RIMS2: variants seen among roughly 807,000 people sequenced by gnomAD.
The protein encoded by RIMS2 is regulating synaptic membrane exocytosis protein 2.
In RIMS2, 59 loss-of-function variants were observed where a neutral mutation model predicts 174.4. The ratio of observed to expected loss-of-function variants is 0.34; its 90% CI spans 0.27 to 0.42. RIMS2 has a LOEUF of 0.42. Ranked by LOEUF, RIMS2 falls within the 10% of genes least tolerant of loss-of-function variation. RIMS2 has a pLI of 1.00. For synonymous variants in RIMS2, 606 were observed against 572.5 expected (o/e 1.06, Z -0.84); for missense variants, 1,620 against 1,666.3 (o/e 0.97, Z 0.48).
At chr8:103,756,415 G>A (rs574171008) in intron 2 of RIMS2, among the ~76,000 whole-genome samples, 6 of 140,002 alleles carry the variant, frequency 4.3e-5, no homozygotes, top group Admixed American at 3.6e-4. Flanking sequence ...CAGGACTCTT[G>A]TATATTATTT....
chr8:103,636,788 ACC>A lies in RIMS2; in HGVS notation c.177-60286_177-60285del, dbSNP rs768545308. The stretch of plus-strand genomic sequence containing the variant: ...CTTTTTTTCTATAACCCACCCCCGC[ACC>A]CCCCCCCCCCCACACACACACACAT... On this transcript the variant is annotated intron_variant, in intron 1 of 23. Transcript: ENST00000504942. Among the ~76,000 whole-genome samples the A allele has an allele frequency of 9.3e-3, 403 of 43,564 alleles. 5 individuals are homozygous for A. The highest frequency in any genetic ancestry group is 0.05 in the South Asian group (66 of 1,326). The allele number at this position is 43,564 out of a possible 152,430, so 28.6% of individuals were successfully genotyped here.
At chr8:104,024,206 C>T (rs773397937) in intron 19 of RIMS2, among the ~76,000 whole-genome samples, 20 of 152,174 alleles carry the variant, frequency 1.3e-4, no homozygotes, top group Non-Finnish European at 2.4e-4. Context: ...TTCTTCTGAT[C>T]CAGGTCTGCC....
chr8:103,936,959 A>G (rs2081396267), intron 13 of RIMS2, among the ~76,000 whole-genome samples: 1 of 151,964 alleles, frequency 6.6e-6, no homozygotes, highest in Non-Finnish European at 1.5e-5. Flanking sequence ...TTAGCCGGGC[A>G]TGGTGGTGGG....
intron 1 of RIMS2, among the ~76,000 whole-genome samples, chr8:103,555,315 A>G (rs555581303): frequency 6.6e-6 from 1 of 152,182 alleles, no homozygotes; most frequent in Non-Finnish European, 1.5e-5. Context: ...ACCCACAAAG[A>G]TATATTACCT....
In RIMS2 at chr8:103,538,068, T is replaced by C. The variant is rs536596814; in HGVS notation, c.176+37006T>C. On this transcript the variant is annotated intron_variant, in intron 1 of 23. Coordinates refer to ENST00000504942, the Ensembl canonical transcript of RIMS2. ...AAACATTAGAAAGAATTTCCTGATA[T>C]GATCCTAGAATTGATATAAAATCTC... 3.9e-5 allele frequency among the ~76,000 whole-genome samples: 6 copies of C among 152,314 alleles called. No homozygotes were observed. In the East Asian group the frequency reaches 7.7e-4, roughly 20 times the overall value.
chr8:103,923,759 A>G (rs952321898), intron 10 of RIMS2, among the ~76,000 whole-genome samples: 8 of 151,832 alleles, frequency 5.3e-5, no homozygotes, highest in Non-Finnish European at 1.0e-4. Context: ...ATATATAAAA[A>G]ATATTGGTTA....
chr8:104,090,255 A>G (rs931094304), intron 19 of RIMS2, among the ~76,000 whole-genome samples: 1 of 151,762 alleles, frequency 6.6e-6, no homozygotes, highest in African/African-American at 2.4e-5. Flanking sequence ...CATATCTAAA[A>G]TTTTAGCTCA....
intron 19 of RIMS2, among the ~76,000 whole-genome samples, chr8:104,059,866 T>C (rs1297138228): frequency 1.3e-5 from 2 of 152,210 alleles, no homozygotes; most frequent in Non-Finnish European, 1.5e-5. Flanking sequence ...ATATGCTGGA[T>C]TACATTTATT....
At chr8:103,975,714 A>C (rs1204413478) in intron 16 of RIMS2, 1 of 395,180 alleles carries the variant, frequency 2.5e-6, no homozygotes, top group African/African-American at 2.1e-5. Flanking sequence ...GTGTGAGTCC[A>C]TTTTGAAAGG....
At chr8:103,905,970 C>G (rs1264328264) in intron 4 of RIMS2, among the ~76,000 whole-genome samples, 1 of 151,574 alleles carries the variant, frequency 6.6e-6, no homozygotes. Flanking sequence ...CTTTCTAGTT[C>G]TTGTTCTAGA....
intron 3 of RIMS2, among the ~76,000 whole-genome samples, chr8:103,862,438 T>C (rs1191210595): frequency 6.6e-6 from 1 of 152,060 alleles, no homozygotes; most frequent in Non-Finnish European, 1.5e-5. Context: ...TTCCCTTGGA[T>C]TGCTTTGGCT....
At chr8:104,174,278 G>A (rs1455520744) in intron 19 of RIMS2, among the ~76,000 whole-genome samples, 1 of 152,082 alleles carries the variant, frequency 6.6e-6, no homozygotes, top group African/African-American at 2.4e-5. Context: ...TACTAAAGAA[G>A]TTTAGGAAAA....
At chr8:104,023,889 G>C (rs2096178924) in intron 19 of RIMS2, among the ~76,000 whole-genome samples, 2 of 152,082 alleles carry the variant, frequency 1.3e-5, no homozygotes, top group Non-Finnish European at 2.9e-5. Context: ...GATGAAAAAA[G>C]TGGGAGAAGA....
intron 1 of RIMS2, among the ~76,000 whole-genome samples, chr8:103,550,642 C>A (rs866136076): frequency 2.6e-5 from 4 of 151,936 alleles, no homozygotes; most frequent in African/African-American, 4.8e-5. Flanking sequence ...ACAAAAAACC[C>A]TTCAAAAAAA....
chr8:104,085,022 A>C lies in RIMS2; in HGVS notation c.3334+70407A>C, dbSNP rs1429339975. 5.3e-5 allele frequency among the ~76,000 whole-genome samples: 8 copies of C among 152,316 alleles called. No individual in the cohort carries two copies. In the South Asian group the frequency reaches 6.2e-4, roughly 12 times the overall value. ...TCATCAATATTGTTGCTTAGGGAATATGTTTACACTATGAGGTCAGAAATT... is the reference window on the plus strand; with the variant it reads ...TCATCAATATTGTTGCTTAGGGAATCTGTTTACACTATGAGGTCAGAAATT... On this transcript the variant is annotated intron_variant, in intron 19 of 23. Transcript: ENST00000504942.
chr8:104,249,103 A>G (rs2099350637), intron 21 of RIMS2, among the ~76,000 whole-genome samples: 1 of 128,348 alleles, frequency 7.8e-6, no homozygotes, highest in South Asian at 2.4e-4. Flanking sequence ...AAATATTTTG[A>G]CTTTTTTTTT....
chr8:104,100,331 G>A (rs1054424746), intron 19 of RIMS2, among the ~76,000 whole-genome samples: 1 of 152,020 alleles, frequency 6.6e-6, no homozygotes, highest in Non-Finnish European at 1.5e-5. Context: ...TTTTTTAGCT[G>A]TAATAGTTTT....
chr8:103,510,606 A>G (rs1244582620), intron 1 of RIMS2, among the ~76,000 whole-genome samples: 1 of 152,078 alleles, frequency 6.6e-6, no homozygotes, highest in Non-Finnish European at 1.5e-5. Context: ...TCTTTCTGGT[A>G]CTTGCACATA....
intron 1 of RIMS2, among the ~76,000 whole-genome samples, chr8:103,581,868 C>G (rs141154640): frequency 1.3e-5 from 2 of 152,268 alleles, no homozygotes; most frequent in East Asian, 1.9e-4. Context: ...GACTGCAACT[C>G]TAAGGCAAGT....
Sources: allele counts gnomAD v4.1 joint callset (sites outside exome capture counted in the v4.1 genomes callset), GRCh38; gene constraint gnomAD v4.1.1; transcripts MANE v1.5; gene names NCBI Gene and HGNC (gene_info 2026-07-23, HGNC 2026-07-21).